The following GALNT17 variants were observed in gnomAD, a reference collection of about 807,000 sequenced individuals.
GALNT17 encodes the protein polypeptide N-acetylgalactosaminyltransferase 17.
GALNT17 carries 29 observed loss-of-function variants against 63.7 expected under a neutral mutation model. The observed-to-expected ratio is 0.46, with a 90% confidence interval of 0.34 to 0.62. The LOEUF is 0.62. Among genes scored for constraint, GALNT17 ranks in the 20% least tolerant of loss-of-function variants. GALNT17 has a pLI of 0.01. For missense variants in GALNT17, 603 were observed against 799.6 expected, an observed-to-expected ratio of 0.75 and a Z score of 2.97; for synonymous variants, 305 against 318.3, an observed-to-expected ratio of 0.96 and a Z score of 0.45.
intron 1 of GALNT17, among the ~76,000 whole-genome samples, chr7:71,287,181 C>G (rs1790890614): frequency 6.6e-6 from 1 of 152,136 alleles, no homozygotes; most frequent in Admixed American, 6.5e-5. Flanking sequence ...CCTCGACCTC[C>G]TGAGTTCAAG....
At chr7:71,500,513 C>T (rs1788163695) in intron 5 of GALNT17, among the ~76,000 whole-genome samples, 1 of 152,172 alleles carries the variant, frequency 6.6e-6, no homozygotes, top group Non-Finnish European at 1.5e-5. Context: ...TCTCTGTTGG[C>T]CTCCTGCATT....
At chr7:71,236,645 T>C (rs534959057) in intron 1 of GALNT17, among the ~76,000 whole-genome samples, 1 of 152,256 alleles carries the variant, frequency 6.6e-6, no homozygotes, top group Admixed American at 6.5e-5. Context: ...CACTCCTGGA[T>C]CGCAGGATGC....
intron 6 of GALNT17, among the ~76,000 whole-genome samples, chr7:71,572,031 T>G (rs1367117554): frequency 6.6e-6 from 1 of 151,542 alleles, no homozygotes; most frequent in Non-Finnish European, 1.5e-5. Flanking sequence ...CAAAGGCATT[T>G]GTGGTTTAGT....
intron 3 of GALNT17, among the ~76,000 whole-genome samples, chr7:71,397,925 T>A (rs1338684399): frequency 4.1e-5 from 6 of 147,406 alleles, no homozygotes; most frequent in Non-Finnish European, 8.9e-5. Flanking sequence ...TTTGATGGTT[T>A]TGCTCCATTA....
intron 1 of GALNT17, among the ~76,000 whole-genome samples, chr7:71,262,643 C>CCAA (rs1391620523): frequency 6.6e-6 from 1 of 151,302 alleles, no homozygotes; most frequent in African/African-American, 2.4e-5. Context: ...GGGCCTTAAT[C>CCAA]CAAGATGACT....
chr7:71,682,262 G>A (rs116523474), intron 9 of GALNT17, among the ~76,000 whole-genome samples: 2 of 152,072 alleles, frequency 1.3e-5, no homozygotes, highest in African/African-American at 2.4e-5. Flanking sequence ...CAGGAAGCAC[G>A]TGGGTGAACC....
chr7:71,264,984 T>C (rs977383153), intron 1 of GALNT17, among the ~76,000 whole-genome samples: 10 of 150,738 alleles, frequency 6.6e-5, no homozygotes, highest in African/African-American at 2.2e-4. Flanking sequence ...GGACTTGAAA[T>C]GTTCCCAATT....
intron 1 of GALNT17, among the ~76,000 whole-genome samples, chr7:71,237,172 G>C (rs898685973): frequency 6.6e-5 from 10 of 152,090 alleles, no homozygotes; most frequent in Admixed American, 6.5e-4. Context: ...TCTTTAAATT[G>C]CCTTTGAAAA....
At chr7:71,536,670 G>T (rs1459792999) in intron 5 of GALNT17, among the ~76,000 whole-genome samples, 1 of 152,130 alleles carries the variant, frequency 6.6e-6, no homozygotes, top group Non-Finnish European at 1.5e-5. Flanking sequence ...CTCCAACTGG[G>T]TCCCTCCCAC....
At chr7:71,427,458 GT>G (rs1253824553) in intron 5 of GALNT17, among the ~76,000 whole-genome samples, 1 of 151,596 alleles carries the variant, frequency 6.6e-6, no homozygotes, top group Non-Finnish European at 1.5e-5. Context: ...TCCTTTTTTT[GT>G]TTTCAATGTC....
At chr7:71,200,251 T>C (rs1464324301) in intron 1 of GALNT17, among the ~76,000 whole-genome samples, 3 of 152,222 alleles carry the variant, frequency 2.0e-5, no homozygotes, top group Non-Finnish European at 2.9e-5. Flanking sequence ...TCAGTAAGTC[T>C]GGCCCGTGGC....
At chr7:71,148,804 A>G (rs943315863) in intron 1 of GALNT17, among the ~76,000 whole-genome samples, 11 of 147,964 alleles carry the variant, frequency 7.4e-5, no homozygotes, top group African/African-American at 2.7e-4. Context: ...AAAATGGAGT[A>G]TCTTATAGTT....
intron 1 of GALNT17, among the ~76,000 whole-genome samples, chr7:71,274,127 TC>T (rs1790642212): frequency 6.6e-6 from 1 of 152,228 alleles, no homozygotes; most frequent in Admixed American, 6.5e-5. Flanking sequence ...TTTGCCTGTT[TC>T]CCTGGTGTAC....
At chr7:71,449,695 A>T (rs1351570445) in intron 5 of GALNT17, among the ~76,000 whole-genome samples, 6 of 152,026 alleles carry the variant, frequency 3.9e-5, no homozygotes, top group Admixed American at 3.9e-4. Flanking sequence ...TTTGGCATTT[A>T]TTAAGGTATT....
chr7:71,535,982 G>A lies in GALNT17; in HGVS notation c.963-35303G>A, dbSNP rs115342986. ...ACTGGAGCGGTGTCTATATAACACC[G>A]CAGCCAGGCCATTATCAGAGCTTGT... On this transcript the variant is annotated intron_variant, in intron 5 of 10. Transcript: ENST00000333538. Among the ~76,000 whole-genome samples, 558 of 152,186 alleles carry A rather than the reference G, an allele frequency of 3.7e-3. 3 individuals are homozygous for A. The highest frequency in any genetic ancestry group is 0.013 in the African/African-American group (523 of 41,524).
At chr7:71,144,154 C>T (rs907791480) in intron 1 of GALNT17, among the ~76,000 whole-genome samples, 2 of 152,124 alleles carry the variant, frequency 1.3e-5, no homozygotes, top group African/African-American at 4.8e-5. Flanking sequence ...TTGTTGAGGT[C>T]CAGCCCCCAA....
intron 1 of GALNT17, among the ~76,000 whole-genome samples, chr7:71,144,918 T>C (rs763313648): frequency 1.3e-4 from 20 of 152,126 alleles, no homozygotes; most frequent in Admixed American, 2.6e-4. Flanking sequence ...TTAGTAGAGA[T>C]GGGGTTTCAC....
intron 6 of GALNT17, among the ~76,000 whole-genome samples, chr7:71,592,199 G>A (rs1258461990): frequency 1.3e-5 from 2 of 152,120 alleles, no homozygotes; most frequent in South Asian, 4.1e-4. Context: ...AAGCACTGGA[G>A]AGCCAGGAAG....
intron 9 of GALNT17, among the ~76,000 whole-genome samples, chr7:71,710,418 G>A (rs1791775953): frequency 6.6e-6 from 1 of 152,202 alleles, no homozygotes; most frequent in Non-Finnish European, 1.5e-5. Context: ...TGAGGCAAGA[G>A]AATTGCTTGA....
Sources: allele counts gnomAD v4.1 joint callset (sites outside exome capture counted in the v4.1 genomes callset), GRCh38; gene constraint gnomAD v4.1.1; transcripts MANE v1.5; gene names NCBI Gene and HGNC (gene_info 2026-07-23, HGNC 2026-07-21).